Variants in RUBCNL observed in about 807,000 individuals in gnomAD.
RUBCNL encodes the protein rubicon like autophagy enhancer, also known as protein associated with UVRAG as autophagy enhancer.
RUBCNL carries 62 observed loss-of-function variants against 69.5 expected under a neutral mutation model. The observed-to-expected ratio is 0.89, with a 90% CI of 0.73 to 1.10. The LOEUF is 1.10. Ranked by LOEUF, RUBCNL falls within the 50% of genes least tolerant of loss-of-function variation. RUBCNL has a pLI of 0.00. For synonymous variants in RUBCNL, 291 were observed against 303.6 expected (o/e 0.96, Z 0.43); for missense variants, 768 against 798.1 (o/e 0.96, Z 0.45).
chr13:46,347,771 C>T (rs1335446575), intron 12 of RUBCNL, among the ~76,000 whole-genome samples: 1 of 152,168 alleles, frequency 6.6e-6, no homozygotes, highest in Non-Finnish European at 1.5e-5. Flanking sequence ...GCGGGCAGAT[C>T]ACGAGGTCAG....
intron 2 of RUBCNL, 116 bp downstream of exon 2, chr13:46,377,774 G>T (rs1223964795): frequency 1.1e-5 from 6 of 555,330 alleles, no homozygotes; most frequent in Non-Finnish European, 1.9e-5. Context: ...GCTTTGCCAG[G>T]TTATAAAATC....
At chr13:46,353,295 C>T (rs1408194) in intron 10 of RUBCNL, among the ~76,000 whole-genome samples, 6,510 of 152,214 alleles carry the variant, frequency 0.043, 438 homozygotes, top group East Asian at 0.33. Flanking sequence ...CAATACTGAA[C>T]CACTGCTCCT....
At chr13:46,374,900 C>T (rs1349196574) in intron 2 of RUBCNL, among the ~76,000 whole-genome samples, 3 of 152,214 alleles carry the variant, frequency 2.0e-5, no homozygotes, top group African/African-American at 7.2e-5. Flanking sequence ...GATGATGACA[C>T]ATCTGGCTCC....
intron 10 of RUBCNL, among the ~76,000 whole-genome samples, chr13:46,352,588 T>C (rs891401189): frequency 1.3e-5 from 2 of 151,636 alleles, no homozygotes; most frequent in African/African-American, 2.4e-5. Context: ...GCAGATCACC[T>C]GAGGTTGGGA....
At position 46,364,618 on chromosome 13, in the gene RUBCNL, T is replaced by C. The variant is rs564589263; in HGVS notation, c.827-1405A>G. ...GTGACTTAGTACAGACACAATAATA[T>C]GTTTAACTGATAAAAAAAAAAAAAC... On this transcript the variant is annotated intron_variant, in intron 5 of 14. Transcript: ENST00000429979. 3.1e-3 allele frequency among the ~76,000 whole-genome samples: 425 copies of C among 138,210 alleles called. 2 individuals are homozygous for C. The highest frequency in any genetic ancestry group is 0.011 in the African/African-American group (407 of 35,504). The allele number at this position is 138,210 out of a possible 152,430, so 90.7% of individuals were successfully genotyped here.
At chr13:46,349,215 G>A in intron 12 of RUBCNL, 71 bp downstream of exon 12, 1 of 1,346,684 alleles carries the variant, frequency 7.4e-7, no homozygotes, top group Non-Finnish European at 1.1e-6. Flanking sequence ...GGGGGAGCCA[G>A]ATGCAGGAGG....
intron 14 of RUBCNL, among the ~76,000 whole-genome samples, chr13:46,343,840 T>C (rs929321853): frequency 1.3e-5 from 2 of 152,186 alleles, no homozygotes; most frequent in Admixed American, 6.5e-5. Flanking sequence ...TCTCTAGATA[T>C]GGCCCTACAT....
chr13:46,369,525 T>A (rs1200365081), intron 3 of RUBCNL, among the ~76,000 whole-genome samples: 1 of 152,052 alleles, frequency 6.6e-6, no homozygotes, highest in Non-Finnish European at 1.5e-5. Flanking sequence ...GCCCTAAACC[T>A]CCTGTCTAGA....
chr13:46,353,874 C>G (rs983523162), intron 10 of RUBCNL, among the ~76,000 whole-genome samples: 2 of 152,168 alleles, frequency 1.3e-5, no homozygotes, highest in African/African-American at 2.4e-5. Flanking sequence ...GTTAGTGTGA[C>G]TGAGGAACTG....
At position 46,340,282 on chromosome 13, in the gene RUBCNL, C is replaced by T. The variant is rs2048132534; in HGVS notation, c.*3103G>A. ...TTCTTTCATGGGACACAATTCAACC[C>T]ACAACAGTAGCTATTGTTCTAATCC... On this transcript the variant is annotated 3_prime_UTR_variant, in exon 15 of 15. Coordinates refer to ENST00000429979, the MANE Select transcript of RUBCNL (RefSeq NM_025113.5). Among the ~76,000 whole-genome samples the T allele has an allele frequency of 6.6e-6, 1 of 152,158 alleles. No individual in the cohort carries two copies. The highest frequency in any genetic ancestry group is 2.1e-4 in the South Asian group (1 of 4,828).
rs149400424 is a variant in RUBCNL, at chr13:46,339,687, C to T, written c.*3698G>A. Among the ~76,000 whole-genome samples, 1,091 of 152,112 alleles carry T rather than the reference C, an allele frequency of 7.2e-3. 8 individuals are homozygous for T. Among genetic ancestry groups the T allele is most frequent in the African/African-American group, 0.025 (1,022 of 41,492 alleles). On this transcript the variant is annotated 3_prime_UTR_variant, in exon 15 of 15. Coordinates refer to ENST00000429979, the MANE Select transcript of RUBCNL (RefSeq NM_025113.5). The stretch of plus-strand genomic sequence containing the variant: ...CAGCCTTGCCAACATGGTGAAAACC[C>T]GTCTCTACTAAAAATACAAAAATTA...
rs147229614 is a variant in RUBCNL, at chr13:46,359,059, A to G, written c.1265+427T>C. ...TTTGGGAGGCTGAGGTGGGCAGATC[A>G]CTTGAGCCCAGGAGTCCAACACCAG... On this transcript the variant is annotated intron_variant, in intron 9 of 14. Transcript: ENST00000429979. 8.0e-3 allele frequency among the ~76,000 whole-genome samples: 1,220 copies of G among 152,124 alleles called. 23 individuals carry two copies. Among genetic ancestry groups the G allele is most frequent in the African/African-American group, 0.028 (1,148 of 41,542 alleles).
chr13:46,361,867 G>A (rs1022314181), intron 7 of RUBCNL, among the ~76,000 whole-genome samples: 1 of 152,052 alleles, frequency 6.6e-6, no homozygotes, highest in African/African-American at 2.4e-5. Context: ...CACAGCCTTC[G>A]TGTCCCGAAG....
chr13:46,383,317 G>A (rs961292449), intron 1 of RUBCNL, among the ~76,000 whole-genome samples: 5 of 152,134 alleles, frequency 3.3e-5, no homozygotes, highest in African/African-American at 1.2e-4. Flanking sequence ...TTATTCAAAT[G>A]AAGACCTTAC....
chr13:46,369,401 A>G (rs979427960), intron 3 of RUBCNL, among the ~76,000 whole-genome samples: 1 of 152,006 alleles, frequency 6.6e-6, no homozygotes, highest in Non-Finnish European at 1.5e-5. Context: ...TTTTGCAGAG[A>G]TGGGGGTCTC....
At chr13:46,357,889 C>T (rs2048525850) in intron 9 of RUBCNL, among the ~76,000 whole-genome samples, 1 of 152,154 alleles carries the variant, frequency 6.6e-6, no homozygotes, top group African/African-American at 2.4e-5. Flanking sequence ...CCTCGGCCTC[C>T]CAAAGTGCTG....
intron 2 of RUBCNL, among the ~76,000 whole-genome samples, chr13:46,375,303 CGGG>C (rs2048965894): frequency 6.6e-6 from 1 of 152,138 alleles, no homozygotes; most frequent in Non-Finnish European, 1.5e-5. Context: ...GAGGCCAAGG[CGGG>C]TGGAGAACCT....
chr13:46,380,721 C>A (rs974534047), intron 1 of RUBCNL, among the ~76,000 whole-genome samples: 4 of 152,078 alleles, frequency 2.6e-5, no homozygotes, highest in South Asian at 2.1e-4. Flanking sequence ...AATTTATACA[C>A]CTTACATGTG....
At chr13:46,360,344 T>TAAATA (rs975050560) in intron 8 of RUBCNL, among the ~76,000 whole-genome samples, 21 of 152,162 alleles carry the variant, frequency 1.4e-4, no homozygotes, top group African/African-American at 2.2e-4. Flanking sequence ...TCTTAAAAAA[T>TAAATA]AAATAAAATA....
Sources: gnomAD v4.1 joint callset for allele counts (sites outside exome capture counted in the v4.1 genomes callset) on GRCh38, gnomAD v4.1.1 for gene constraint, MANE v1.5 for transcripts, NCBI Gene and HGNC (gene_info 2026-07-23, HGNC 2026-07-21) for gene names.